The following WWC1 variants were observed in gnomAD, a reference collection of about 807,000 sequenced individuals.
The protein encoded by WWC1 is WW and C2 domain containing 1.
In WWC1, 55 loss-of-function variants were observed where a neutral mutation model predicts 138.4. The observed-to-expected ratio is 0.40, with a 90% CI of 0.32 to 0.50. The LOEUF (loss-of-function observed/expected upper bound fraction) is 0.50. Among genes scored for constraint, WWC1 ranks in the 20% least tolerant of loss-of-function variants. The pLI is 0.72. For missense variants in WWC1, 1,226 were observed against 1,420.4 expected (o/e 0.86, Z 2.20); for synonymous variants, 524 against 564.9 (o/e 0.93, Z 1.03).
intron 1 of WWC1, among the ~76,000 whole-genome samples, chr5:168,340,321 C>A (rs1773940055): frequency 1.3e-5 from 2 of 152,192 alleles, no homozygotes; most frequent in African/African-American, 4.8e-5. Flanking sequence ...GGTTATCCAC[C>A]TATCTCAGCC....
intron 11 of WWC1, among the ~76,000 whole-genome samples, chr5:168,426,667 A>T (rs1314749888): frequency 6.6e-6 from 1 of 152,206 alleles, no homozygotes; most frequent in African/African-American, 2.4e-5. Context: ...CTCAGCAGGC[A>T]TGGGACGCAG....
At chr5:168,372,885 A>T (rs529756437) in intron 2 of WWC1, among the ~76,000 whole-genome samples, 1 of 152,370 alleles carries the variant, frequency 6.6e-6, no homozygotes, top group East Asian at 1.9e-4. Flanking sequence ...GGTAAGGCAC[A>T]TAGTAGGTGT....
At chr5:168,414,262 C>A in intron 8 of WWC1, 86 bp from the exon 9 acceptor site, 2 of 1,528,682 alleles carry the variant, frequency 1.3e-6, no homozygotes, top group Non-Finnish European at 1.8e-6. Context: ...TCAAAGATTG[C>A]TCTGAGATGT....
At chr5:168,410,197 CAG>C (rs1780117245) in intron 8 of WWC1, 5 of 571,378 alleles carry the variant, frequency 8.8e-6, no homozygotes, top group Non-Finnish European at 1.5e-5. Context: ...CTTCACAAGA[CAG>C]AGAGTGAAAC....
In WWC1 at chr5:168,388,073, A is replaced by G. The variant is rs188275694; in HGVS notation, c.433+2659A>G. ...CAAATCACTCACTAATTTCAGAAAG[A>G]TGTACTTTTACATTGGAGAGATGGG... On this transcript the variant is annotated intron_variant, in intron 3 of 22. Transcript: ENST00000265293. 7.2e-5 allele frequency among the ~76,000 whole-genome samples: 11 copies of G among 152,294 alleles called. No individual in the cohort carries two copies. The East Asian group carries it at 1.9e-3, about 27-fold the overall frequency.
chr5:168,329,600 C>G (rs926391376), intron 1 of WWC1, among the ~76,000 whole-genome samples: 5 of 152,170 alleles, frequency 3.3e-5, no homozygotes, highest in African/African-American at 1.2e-4. Flanking sequence ...TTATAATTAA[C>G]AAGCCATGCT....
intron 1 of WWC1, among the ~76,000 whole-genome samples, chr5:168,366,543 A>G (rs58035871): frequency 0.077 from 11,707 of 152,142 alleles, 1,481 homozygotes; most frequent in African/African-American, 0.27. Flanking sequence ...TCTTGGGCAC[A>G]GTGTCTGTGT....
At chr5:168,460,420 A>C (rs550919762) in intron 19 of WWC1, among the ~76,000 whole-genome samples, 1 of 152,356 alleles carries the variant, frequency 6.6e-6, no homozygotes, top group South Asian at 2.1e-4. Flanking sequence ...CGTGGCATTT[A>C]GCATCGTGCA....
intron 17 of WWC1, among the ~76,000 whole-genome samples, chr5:168,449,989 G>A (rs1218511127): frequency 1.3e-5 from 2 of 152,168 alleles, no homozygotes; most frequent in East Asian, 1.9e-4. Context: ...GCAGAGTTGC[G>A]AGTAGAGATC....
At chr5:168,394,330 G>T (rs982061263) in intron 3 of WWC1, among the ~76,000 whole-genome samples, 6 of 152,126 alleles carry the variant, frequency 3.9e-5, no homozygotes, top group African/African-American at 1.2e-4. Context: ...AAACTATGTT[G>T]GACTGTTAAA....
chr5:168,441,621 C>A lies in WWC1; in HGVS notation c.2281-61C>A, dbSNP rs572914350. 1.5e-5 allele frequency: 23 copies of A among 1,572,114 alleles called. No individual in the cohort carries two copies. In the African/African-American group the frequency reaches 2.4e-4, roughly 17 times the overall value. ...CCATACTGTCCTCTTGAACCAAATT[C>A]CCTGACACCTGGTGTCCCCCCCACC... On this transcript the variant is annotated intron_variant, in intron 15 of 22. Transcript: ENST00000265293.
chr5:168,317,574 C>T (rs576831388), intron 1 of WWC1, among the ~76,000 whole-genome samples: 134 of 152,312 alleles, frequency 8.8e-4, no homozygotes, highest in Admixed American at 1.7e-3. Flanking sequence ...ACTTCCCCCA[C>T]CAAGGCATCC....
At chr5:168,317,427 A>T (rs1408435866) in intron 1 of WWC1, among the ~76,000 whole-genome samples, 1 of 152,068 alleles carries the variant, frequency 6.6e-6, no homozygotes, top group Non-Finnish European at 1.5e-5. Flanking sequence ...GATCCCACAG[A>T]TCCTGCTCTG....
In WWC1 at chr5:168,409,031, G is replaced by A. The variant is rs1780024417; in HGVS notation, c.867+378G>A. On this transcript the variant is annotated intron_variant, in intron 7 of 22. Transcript: ENST00000265293. ...TTCTTTCCCCAGCTGGACAGCAGAGGATATTTTCCTCCTGTTAGTCTCAAA... is the reference window on the plus strand; with the variant it reads ...TTCTTTCCCCAGCTGGACAGCAGAGAATATTTTCCTCCTGTTAGTCTCAAA... Among the ~76,000 whole-genome samples, 3 of 152,142 alleles carry A rather than the reference G, an allele frequency of 2.0e-5. No homozygotes were observed. The East Asian group carries it at 5.8e-4, about 29-fold the overall frequency.
intron 5 of WWC1, among the ~76,000 whole-genome samples, chr5:168,403,873 C>G (rs34462753): frequency 0.12 from 7,634 of 63,224 alleles, 234 homozygotes; most frequent in Non-Finnish European, 0.14. Flanking sequence ...CACATGCATA[C>G]ACACACACAC....
chr5:168,298,137 C>G (rs777765290), intron 1 of WWC1, among the ~76,000 whole-genome samples: 36 of 152,186 alleles, frequency 2.4e-4, no homozygotes, highest in African/African-American at 5.5e-4. Context: ...TTCCCGGGTT[C>G]AAGCAATTCT....
intron 8 of WWC1, chr5:168,411,921 C>T (rs1021255276): frequency 5.2e-6 from 5 of 959,212 alleles, no homozygotes; most frequent in Non-Finnish European, 6.2e-6. Context: ...TTCCCAAAGA[C>T]AAATTGGAAT....
At chr5:168,452,259 T>C (rs754260538) in intron 17 of WWC1, among the ~76,000 whole-genome samples, 3 of 152,176 alleles carry the variant, frequency 2.0e-5, no homozygotes, top group Non-Finnish European at 4.4e-5. Context: ...AGTAATTCTA[T>C]TATCTGTTAG....
chr5:168,307,841 A>T (rs1770717487), intron 1 of WWC1, among the ~76,000 whole-genome samples: 1 of 151,922 alleles, frequency 6.6e-6, no homozygotes, highest in Non-Finnish European at 1.5e-5. Context: ...CGATCTCCTG[A>T]CCTCGTGATC....
Sources: allele counts gnomAD v4.1 joint callset (sites outside exome capture counted in the v4.1 genomes callset), GRCh38; gene constraint gnomAD v4.1.1; transcripts MANE v1.5; gene names NCBI Gene and HGNC (gene_info 2026-07-23, HGNC 2026-07-21).